C8orf82: variants seen among roughly 807,000 people sequenced by gnomAD.
C8orf82 encodes the protein chromosome 8 open reading frame 82.
A neutral mutation model predicts 15.0 loss-of-function variants in C8orf82; 24 were observed. The observed-to-expected ratio is 1.60, with a 90% CI of 1.16 to 2.24. C8orf82 has a LOEUF of 2.24. C8orf82 is among the 30% of genes most tolerant of loss of function. The pLI is 0.00. For missense variants in C8orf82, 388 were observed against 317.4 expected (o/e 1.22, Z -1.69); for synonymous variants, 205 against 152.2 (o/e 1.35, Z -2.55).
chr8:144,528,130 C>T (rs1564827748), intron 1 of C8orf82, 58 bp from the exon 2 acceptor site: 4 of 1,594,258 alleles, frequency 2.5e-6, no homozygotes, highest in Non-Finnish European at 3.4e-6. Flanking sequence ...GGCGGGGAAG[C>T]TCAGGAGGTC....
rs1816394701 is a variant in C8orf82, at chr8:144,527,148, C to T, written c.*194G>A. 1.2e-5 allele frequency: 3 copies of T among 254,318 alleles called. No individual in the cohort carries two copies. Among genetic ancestry groups the T allele is most frequent in the Non-Finnish European group, 2.1e-5 (3 of 145,996 alleles). The allele number at this position is 254,318 out of a possible 1,614,324, so 15.8% of individuals were successfully genotyped here. ...CGGAGTCGGGTGCGCGGGGGGCGCG[C>T]GCCGTGGGGAGCGGGGTGTCCGGGA... On this transcript the variant is annotated 3_prime_UTR_variant, in exon 3 of 3. Coordinates refer to ENST00000524821, the MANE Select transcript of C8orf82 (RefSeq NM_001001795.2).
chr8:144,527,958 G>A (rs1353569175), intron 2 of C8orf82, 66 bp downstream of exon 2: 4 of 1,562,148 alleles, frequency 2.6e-6, no homozygotes, highest in Admixed American at 1.7e-5. Flanking sequence ...CGGCAGAGTC[G>A]GGGAGCCCAT....
In C8orf82 at chr8:144,528,794, G is replaced by C. The variant is rs763583357; in HGVS notation, c.123C>G (p.Arg41=). ...GGTGGTCCACGTAGTAGAAATACTC[G>C]CGGGTCCGCGGCTCCGGACTCTGGC... ...TQGQSPEPRT[R]EYFYYVDHQG... The change falls in exon 1 of 3, where the codon CGC becomes CGG. Residue 41 remains arginine, a synonymous_variant. Coordinates refer to ENST00000524821, the MANE Select transcript of C8orf82 (RefSeq NM_001001795.2). 3.1e-5 allele frequency: 45 copies of C among 1,452,504 alleles called. No individual in the cohort carries two copies. The highest frequency in any genetic ancestry group is 4.1e-5 in the Non-Finnish European group (45 of 1,101,208). 90.0% of individuals were successfully genotyped at this position (1,452,504 alleles called of 1,614,324 possible).
intron 2 of C8orf82, 62 bp from the exon 3 acceptor site, chr8:144,527,849 CCATA>C (rs1278139332): frequency 1.3e-6 from 2 of 1,566,266 alleles, no homozygotes; most frequent in Admixed American, 3.5e-5. Flanking sequence ...GGGCCCAGGA[CCATA>C]CCGAGGGCAG....
chr8:144,527,982 GA>G, intron 2 of C8orf82, 41 bp downstream of exon 2: 1 of 1,605,092 alleles, frequency 6.2e-7, no homozygotes, highest in South Asian at 1.1e-5. Flanking sequence ...GGGCTGCCCG[GA>G]AGGGAGAAAG....
rs554422113 is a variant in C8orf82, at chr8:144,528,235, G to A, written c.157-163C>T. ...GGAGGCGCGTGAAAGGTAAACCTGG[G>A]GGCCCCGCCGACTTATCCGCGTCTA... On this transcript the variant is annotated intron_variant, in intron 1 of 2. Coordinates refer to ENST00000524821, the MANE Select transcript of C8orf82 (RefSeq NM_001001795.2). 3.4e-6 allele frequency: 5 copies of A among 1,484,296 alleles called. No homozygotes were observed. In the East Asian group the frequency reaches 9.9e-5, roughly 29 times the overall value. The allele number at this position is 1,484,296 out of a possible 1,614,324, so 91.9% of individuals were successfully genotyped here.
In C8orf82 at chr8:144,527,657, C is replaced by T. The variant is rs775983976; in HGVS notation, c.336G>A (p.Val112=). Residue 112 remains valine, a synonymous_variant, in exon 3 of 3, where the codon GTG becomes GTA. Transcript: ENST00000524821. ...CCGCGGTCAGCAGGTGCGTGAAGAC[C>T]ACCGGCCGGTCCTCGCAGCGCAGGA... ...RNFLRCEDRP[V]VFTHLLTADH... The T allele has an allele frequency of 7.7e-6, 12 of 1,550,302 alleles. No homozygotes were observed. The highest frequency in any genetic ancestry group is 1.0e-5 in the Non-Finnish European group (12 of 1,155,450).
At chr8:144,528,413 G>A (rs1304807901) in intron 1 of C8orf82, 5 of 1,490,490 alleles carry the variant, frequency 3.4e-6, no homozygotes, top group Non-Finnish European at 3.6e-6. Flanking sequence ...TCCAAAAAAA[G>A]GCAGGGCGGC....
At position 144,528,828 on chromosome 8, in the gene C8orf82, T is replaced by G. The variant is rs1279827448; in HGVS notation, c.89A>C (p.Tyr30Ser). 1.3e-6 allele frequency: 2 copies of G among 1,518,528 alleles called. No individual in the cohort carries two copies. The highest frequency in any genetic ancestry group is 2.8e-5 in the East Asian group (1 of 36,046). The allele number at this position is 1,518,528 out of a possible 1,614,324, so 94.1% of individuals were successfully genotyped here. ...CGGCTCCGGACTCTGGCCCTGCGTG[T>G]AGGAAACGCCCCCATCCCCGCTGCA... ...RACSGDGGVS[Y>S]TQGQSPEPRT... Residue 30 changes from tyrosine to serine, a missense_variant, in exon 1 of 3, where the codon TAC becomes TCC. Physicochemically the swap from Tyr to Ser is moderately radical, Grantham distance 144. Transcript: ENST00000524821.
chr8:144,527,396 G>A lies in C8orf82; in HGVS notation c.597C>T (p.Arg199=). ...GGGCCAGGTCCATGGTGAGGGCGAG[G>A]CGGCGGCCCTGCCAGCGCACGTGCG... ...LPSHVRWQGR[R]LALTMDLAPL... is the part of the protein sequence containing the mutation. The change falls in exon 3 of 3, where the codon CGC becomes CGT. Residue 199 remains arginine (R), a synonymous_variant. Coordinates refer to ENST00000524821, the MANE Select transcript of C8orf82 (RefSeq NM_001001795.2). 4 of 1,241,310 alleles carry A rather than the reference G, an allele frequency of 3.2e-6. No individual in the cohort carries two copies. The highest frequency in any genetic ancestry group is 3.3e-4 in the Middle Eastern group (1 of 3,042). The allele number at this position is 1,241,310 out of a possible 1,614,324, so 76.9% of individuals were successfully genotyped here.
At chr8:144,528,615 C>CGGGG in intron 1 of C8orf82, 146 bp downstream of exon 1, 5 of 268,476 alleles carry the variant, frequency 1.9e-5, no homozygotes, top group Non-Finnish European at 2.9e-5. Context: ...CGCGCAGGCC[C>CGGGG]CGCCCACCCA....
chr8:144,528,115 G>C, intron 1 of C8orf82, 43 bp from the exon 2 acceptor site: 1 of 1,599,452 alleles, frequency 6.3e-7, no homozygotes, highest in South Asian at 1.1e-5. Context: ...CAGCGTGCAG[G>C]TGGGGGCGGG....
Position 144,528,068 on chromosome 8 carries a change from A to T in C8orf82, c.161T>A (p.Phe54Tyr). The T allele has an allele frequency of 1.2e-6, 2 of 1,612,826 alleles. No homozygotes were observed. The highest frequency in any genetic ancestry group is 1.7e-6 in the Non-Finnish European group (2 of 1,179,898). The change falls in exon 2 of 3, where the codon TTC becomes TAC. Residue 54 changes from phenylalanine to tyrosine, a missense_variant. By Grantham distance (22) the Phe-to-Tyr change is conservative. Coordinates refer to ENST00000524821, the MANE Select transcript of C8orf82 (RefSeq NM_001001795.2). ...ATTCTTCATTTTGGAATCATCCAGG[A>T]AAAGCTGCAGATAGAGGGCCAGGCC... ...FYYVDHQGQL[F>Y]LDDSKMKNFI...
At chr8:144,528,616 C>CGGGGGGGGGGGGGGGGGGGG in intron 1 of C8orf82, 145 bp downstream of exon 1, 34 of 295,980 alleles carry the variant, frequency 1.1e-4, no homozygotes, top group Non-Finnish European at 1.7e-4. Context: ...GCGCAGGCCC[C>CGGGGGGGGGGGGGGGGGGGG]GCCCACCCAC....
In C8orf82 at chr8:144,528,015, C is replaced by T; in HGVS notation, c.205+9G>A. On this transcript the variant is annotated intron_variant, in intron 2 of 2. Coordinates refer to ENST00000524821, the MANE Select transcript of C8orf82 (RefSeq NM_001001795.2). ...AAAGAAGGGGCTGGAGAGGGAGGCA[C>T]AGCATTACCTTTGAAGCAGGTGATG... 6.2e-7 allele frequency: 1 copy of T among 1,612,096 alleles called. No homozygotes were observed. The highest frequency in any genetic ancestry group is 8.5e-7 in the Non-Finnish European group (1 of 1,179,450).
chr8:144,528,889 T>G lies in C8orf82; in HGVS notation c.28A>C (p.Thr10Pro). 6.6e-7 allele frequency: 1 copy of G among 1,514,036 alleles called. No homozygotes were observed. Among genetic ancestry groups the G allele is most frequent in the East Asian group, 2.8e-5 (1 of 35,516 alleles). 93.8% of individuals were successfully genotyped at this position (1,514,036 alleles called of 1,614,324 possible). A position where few individuals can be genotyped will look rare whatever the true frequency, so the allele number is the denominator to read the frequency against. Residue 10 changes from threonine to proline, a missense_variant, in exon 1 of 3, where the codon ACC becomes CCC. Transcript: ENST00000524821. ...CCCCGCGACCGCGCCAAGGCCAGGG[T>G]CCGGAGCGTCCCGCAAGGCGGCCAC... The part of the protein sequence containing the change: MWPPCGTLR[T>P]LALARSRGAR...
Position 144,528,019 on chromosome 8 carries a change from A to C in C8orf82, c.205+5T>G. On this transcript the variant is annotated splice_donor_5th_base_variant and intron_variant, in intron 2 of 2. Transcript: ENST00000524821. ...AAGGGGCTGGAGAGGGAGGCACAGC[A>C]TTACCTTTGAAGCAGGTGATGAAAT... is the stretch of plus-strand genomic sequence containing the variant. The C allele has an allele frequency of 1.2e-6, 2 of 1,612,516 alleles. No individual in the cohort carries two copies. Among genetic ancestry groups the C allele is most frequent in the Non-Finnish European group, 1.7e-6 (2 of 1,179,770 alleles).
In C8orf82 at chr8:144,529,106, G is replaced by A; in HGVS notation, c.-190C>T. ...CCTGGCCTTCCGAGAGGCGTGTGCCGGTGACGCCCCTTCCGGTCCGCCCCG... is the reference window on the plus strand; with the variant it reads ...CCTGGCCTTCCGAGAGGCGTGTGCCAGTGACGCCCCTTCCGGTCCGCCCCG... On this transcript the variant is annotated 5_prime_UTR_variant, in exon 1 of 3. Coordinates refer to ENST00000524821, the MANE Select transcript of C8orf82 (RefSeq NM_001001795.2). 4.0e-6 allele frequency: 2 copies of A among 505,418 alleles called. No homozygotes were observed. The highest frequency in any genetic ancestry group is 3.8e-5 in the South Asian group (1 of 26,286). 31.3% of individuals were successfully genotyped at this position (505,418 alleles called of 1,614,324 possible).
intron 1 of C8orf82, chr8:144,528,277 C>T (rs1407088126): frequency 6.6e-7 from 1 of 1,506,578 alleles, no homozygotes; most frequent in Non-Finnish European, 8.9e-7. Flanking sequence ...CCTCTGCTCC[C>T]TGGTCAGCCA....
Sources: allele counts gnomAD v4.1 joint callset, GRCh38; gene constraint gnomAD v4.1.1; transcripts MANE v1.5; gene names NCBI Gene and HGNC (gene_info 2026-07-23, HGNC 2026-07-21).